Variants in ASTN2 observed in about 807,000 individuals in gnomAD.
ASTN2 encodes the protein astrotactin-2.
In ASTN2, 54 loss-of-function variants were observed where a neutral mutation model predicts 139.8. The observed-to-expected ratio is 0.39, with a 90% CI of 0.31 to 0.48. The LOEUF is 0.48. Ranked by LOEUF, ASTN2 falls within the 20% of genes least tolerant of loss-of-function variation. The pLI is 0.95. For synonymous variants in ASTN2, 756 were observed against 719.5 expected, an observed-to-expected ratio of 1.05 and a Z score of -0.81; for missense variants, 1,565 against 1,725.1, an observed-to-expected ratio of 0.91 and a Z score of 1.64.
At chr9:117,120,219 C>T (rs1470651148) in intron 4 of ASTN2, among the ~76,000 whole-genome samples, 3 of 151,560 alleles carry the variant, frequency 2.0e-5, no homozygotes, top group Non-Finnish European at 2.9e-5. Flanking sequence ...GGAAACTCAC[C>T]TTCCCACACG....
chr9:116,809,223 A>C (rs1412865837), intron 12 of ASTN2, among the ~76,000 whole-genome samples: 1 of 152,188 alleles, frequency 6.6e-6, no homozygotes, highest in African/African-American at 2.4e-5. Flanking sequence ...ATATGTTTAA[A>C]AAAATCTTTG....
chr9:117,370,784 C>G (rs1033920338), intron 1 of ASTN2, among the ~76,000 whole-genome samples: 2 of 152,062 alleles, frequency 1.3e-5, no homozygotes, highest in African/African-American at 4.8e-5. Flanking sequence ...ATAGCTCTCT[C>G]AATGCAGCCT....
chr9:117,063,806 G>A (rs1250771030), intron 5 of ASTN2, among the ~76,000 whole-genome samples: 1 of 152,064 alleles, frequency 6.6e-6, no homozygotes, highest in Non-Finnish European at 1.5e-5. Context: ...AAGCCAGTGG[G>A]CTCCTAGGTT....
At chr9:116,956,367 G>A (rs974431846) in intron 10 of ASTN2, among the ~76,000 whole-genome samples, 1 of 149,214 alleles carries the variant, frequency 6.7e-6, no homozygotes, top group Non-Finnish European at 1.5e-5. Context: ...CCAAAGGGCT[G>A]GGATTACAGG....
intron 13 of ASTN2, among the ~76,000 whole-genome samples, chr9:116,737,870 C>T (rs963746711): frequency 6.6e-6 from 1 of 151,946 alleles, no homozygotes; most frequent in Admixed American, 6.6e-5. Context: ...GAGGACTTGG[C>T]GGGGGAAGGT....
chr9:116,685,926 C>T (rs1171569530), intron 16 of ASTN2, among the ~76,000 whole-genome samples: 1 of 151,130 alleles, frequency 6.6e-6, no homozygotes, highest in Non-Finnish European at 1.5e-5. Context: ...ATGAACAGTC[C>T]TAAATTTATA....
intron 19 of ASTN2, among the ~76,000 whole-genome samples, chr9:116,550,716 T>A (rs1038673513): frequency 1.3e-5 from 2 of 152,206 alleles, no homozygotes; most frequent in Non-Finnish European, 2.9e-5. Flanking sequence ...CTCCTCCTAA[T>A]ATCCCTGAGA....
intron 3 of ASTN2, among the ~76,000 whole-genome samples, chr9:117,184,907 A>G (rs1831158572): frequency 6.6e-6 from 1 of 152,200 alleles, no homozygotes; most frequent in Admixed American, 6.5e-5. Flanking sequence ...TCTACACCAG[A>G]TTGTTCATAT....
intron 4 of ASTN2, among the ~76,000 whole-genome samples, chr9:117,108,365 A>G (rs1027713531): frequency 1.3e-5 from 2 of 152,036 alleles, no homozygotes; most frequent in African/African-American, 4.8e-5. Flanking sequence ...TAATTGAATA[A>G]AAGTAAACCA....
chr9:116,627,825 C>T (rs1185564368), intron 17 of ASTN2, among the ~76,000 whole-genome samples: 1 of 149,028 alleles, frequency 6.7e-6, no homozygotes, highest in Admixed American at 6.7e-5. Context: ...ACAAGCCAGG[C>T]ACTGTTCTAG....
At chr9:117,058,102 C>T (rs997113496) in intron 5 of ASTN2, among the ~76,000 whole-genome samples, 6 of 152,182 alleles carry the variant, frequency 3.9e-5, no homozygotes, top group South Asian at 2.1e-4. Context: ...TGTTACTCCA[C>T]GTTCCTCAGG....
chr9:116,632,205 A>AAAAGAAAGAAAGAAAGAAAG (rs1554723306), intron 17 of ASTN2, among the ~76,000 whole-genome samples: 39 of 45,304 alleles, frequency 8.6e-4, no homozygotes, highest in Non-Finnish European at 1.2e-3. Flanking sequence ...AGAAAGAAAG[A>AAAAGAAAGAAAGAAAGAAAG]AAAGAAAGAA....
intron 19 of ASTN2, among the ~76,000 whole-genome samples, chr9:116,570,542 C>G (rs901329193): frequency 6.6e-6 from 1 of 152,152 alleles, no homozygotes; most frequent in African/African-American, 2.4e-5. Flanking sequence ...ACTACCGGCG[C>G]CCGCCACCAT....
intron 19 of ASTN2, among the ~76,000 whole-genome samples, chr9:116,494,336 G>C (rs1179800334): frequency 2.6e-5 from 4 of 152,210 alleles, no homozygotes; most frequent in Non-Finnish European, 5.9e-5. Context: ...TTGAGTAAGA[G>C]AATATTTATA....
At chr9:116,697,570 ATGAC>A in intron 16 of ASTN2, 2 of 803,578 alleles carry the variant, frequency 2.5e-6, no homozygotes, top group Non-Finnish European at 3.9e-6. Context: ...GAATGACTGA[ATGAC>A]TGGTCATAGC....
chr9:116,678,281 C>T (rs1056625513), intron 16 of ASTN2, among the ~76,000 whole-genome samples: 1 of 152,172 alleles, frequency 6.6e-6, no homozygotes, highest in Non-Finnish European at 1.5e-5. Context: ...AGAGCCATGA[C>T]CAACATCTAC....
At chr9:117,200,177 C>G (rs1336631419) in intron 3 of ASTN2, among the ~76,000 whole-genome samples, 1 of 151,480 alleles carries the variant, frequency 6.6e-6, no homozygotes, top group African/African-American at 2.4e-5. Context: ...GTGTGCTTCA[C>G]CCATTAACTC....
intron 22 of ASTN2, among the ~76,000 whole-genome samples, 156 bp from the exon 23 acceptor site, chr9:116,426,244 T>C (rs1672113932): frequency 6.6e-6 from 1 of 152,172 alleles, no homozygotes; most frequent in African/African-American, 2.4e-5. Flanking sequence ...GATTCAAAAA[T>C]TGCCCTAGAA....
chr9:117,414,617 G>A lies in ASTN2; in HGVS notation c.322C>T (p.Pro108Ser). The part of the protein sequence containing the change: ...AAAAAASPGS[P>S]GSAGTAAESR... ...TCGGCGGCGGTGCCGGCAGAGCCAGGAGAGCCCGGGGACGCGGCGGCGGCG... is the reference window on the plus strand; with the variant it reads ...TCGGCGGCGGTGCCGGCAGAGCCAGAAGAGCCCGGGGACGCGGCGGCGGCG... Residue 108 changes from proline (P) to serine (S), a missense_variant, in exon 1 of 23, where the codon CCT becomes TCT. Coordinates refer to ENST00000313400, the MANE Select transcript of ASTN2 (RefSeq NM_001365068.1). The surrounding 1 kb of genome is among the most constrained non-coding windows in gnomAD (Gnocchi z 4.2). 4 of 1,531,482 alleles carry A rather than the reference G, an allele frequency of 2.6e-6. No homozygotes were observed. The highest frequency in any genetic ancestry group is 3.5e-6 in the Non-Finnish European group (4 of 1,145,678). 94.9% of individuals were successfully genotyped at this position (1,531,482 alleles called of 1,614,324 possible).
Sources: allele counts gnomAD v4.1 joint callset (sites outside exome capture counted in the v4.1 genomes callset), GRCh38; gene constraint gnomAD v4.1.1; non-coding constraint Gnocchi (gnomAD v3.1); transcripts MANE v1.5; gene names NCBI Gene and HGNC (gene_info 2026-07-23, HGNC 2026-07-21).